The following USP53 variants were observed in gnomAD, a reference collection of about 807,000 sequenced individuals.
USP53 encodes the protein ubiquitin specific peptidase 53, also known as ubiquitin carboxyl-terminal hydrolase 53.
In USP53, 71 loss-of-function variants were observed where a neutral mutation model predicts 94.9. The observed-to-expected ratio is 0.75, with a 90% CI of 0.62 to 0.91. The LOEUF (loss-of-function observed/expected upper bound fraction) is 0.91. USP53 is among the 40% of genes least tolerant of loss of function. USP53 has a pLI of 0.00. For missense variants in USP53, 1,173 were observed against 1,281.0 expected, an observed-to-expected ratio of 0.92 and a Z score of 1.29; for synonymous variants, 375 against 422.7, an observed-to-expected ratio of 0.89 and a Z score of 1.39.
rs1251472626 is a variant in USP53, at chr4:119,292,945, T to G, written c.2956T>G (p.Phe986Val). Residue 986 changes from phenylalanine to valine, a missense_variant, in exon 19 of 19, where the codon TTT becomes GTT. Coordinates refer to ENST00000692078, the MANE Select transcript of USP53 (RefSeq NM_001371395.1). Reference protein sequence around the residue: ...HMNDERHKETFQVRECFGNTP... With the variant: ...HMNDERHKETVQVRECFGNTP... ...GAATGATGAAAGACATAAAGAAACA[T>G]TTCAAGTGAGAGAATGTTTTGGCAA... 1.9e-6 allele frequency: 3 copies of G among 1,614,070 alleles called. No individual in the cohort carries two copies. The highest frequency in any genetic ancestry group is 2.5e-6 in the Non-Finnish European group (3 of 1,179,976).
At chr4:119,242,077 C>T (rs1286668987) in intron 5 of USP53, among the ~76,000 whole-genome samples, 4 of 152,172 alleles carry the variant, frequency 2.6e-5, no homozygotes, top group Non-Finnish European at 4.4e-5. Flanking sequence ...CTTAAAATCT[C>T]TTTCATGTCT....
At chr4:119,222,188 A>G (rs2149269059) in intron 3 of USP53, among the ~76,000 whole-genome samples, 1 of 152,328 alleles carries the variant, frequency 6.6e-6, no homozygotes, top group African/African-American at 2.4e-5. Flanking sequence ...ATGGATATGT[A>G]ATAGTTGCAC....
At chr4:119,221,755 C>A (rs1744562849) in intron 3 of USP53, among the ~76,000 whole-genome samples, 1 of 152,138 alleles carries the variant, frequency 6.6e-6, no homozygotes, top group Admixed American at 6.5e-5. Context: ...TCTGGCAGTG[C>A]CTCTGATTGG....
chr4:119,221,762 T>C (rs979573064), intron 3 of USP53, among the ~76,000 whole-genome samples: 1 of 152,214 alleles, frequency 6.6e-6, no homozygotes, highest in East Asian at 1.9e-4. Flanking sequence ...GTGCCTCTGA[T>C]TGGCCGAAAT....
At chr4:119,287,535 A>C (rs890618243) in intron 17 of USP53, among the ~76,000 whole-genome samples, 1 of 152,158 alleles carries the variant, frequency 6.6e-6, no homozygotes, top group African/African-American at 2.4e-5. Context: ...TCACTGCTTT[A>C]ATAACTTTGT....
At chr4:119,274,103 A>AT (rs570377783) in intron 17 of USP53, among the ~76,000 whole-genome samples, 2 of 91,560 alleles carry the variant, frequency 2.2e-5, no homozygotes, top group South Asian at 3.0e-4. Flanking sequence ...TTATTTATTT[A>AT]TTTTTTTATT....
At chr4:119,258,809 A>C (rs1383207645) in intron 9 of USP53, among the ~76,000 whole-genome samples, 2 of 152,180 alleles carry the variant, frequency 1.3e-5, no homozygotes, top group Non-Finnish European at 2.9e-5. Flanking sequence ...TCCCTCCCAC[A>C]ACACGAAGGA....
chr4:119,264,998 A>G (rs1750936003), intron 12 of USP53, among the ~76,000 whole-genome samples: 1 of 152,224 alleles, frequency 6.6e-6, no homozygotes, highest in Non-Finnish European at 1.5e-5. Flanking sequence ...CACATGCAAT[A>G]ATGTGAAAAA....
chr4:119,218,259 G>T (rs1311236184), intron 3 of USP53: 1 of 152,208 alleles, frequency 6.6e-6, no homozygotes, highest in Non-Finnish European at 1.5e-5. Flanking sequence ...TCAGTCTGGG[G>T]CTTTGTCAAG....
At chr4:119,251,908 T>C (rs1263343376) in intron 7 of USP53, among the ~76,000 whole-genome samples, 2 of 152,238 alleles carry the variant, frequency 1.3e-5, no homozygotes, top group Admixed American at 6.5e-5. Context: ...ATACATTCTA[T>C]TGATACCTAG....
At chr4:119,281,707 A>G (rs1753527230) in intron 17 of USP53, among the ~76,000 whole-genome samples, 1 of 152,212 alleles carries the variant, frequency 6.6e-6, no homozygotes, top group South Asian at 2.1e-4. Flanking sequence ...AAGATCGTAG[A>G]GATTTTGATG....
At chr4:119,260,253 G>A (rs1186251638) in intron 10 of USP53, among the ~76,000 whole-genome samples, 1 of 151,936 alleles carries the variant, frequency 6.6e-6, no homozygotes, top group African/African-American at 2.4e-5. Flanking sequence ...CTGACTTCAA[G>A]AGTTTTATTT....
intron 3 of USP53, chr4:119,219,158 A>G (rs910022938): frequency 4.4e-5 from 4 of 90,162 alleles, no homozygotes; most frequent in Admixed American, 1.4e-4. Context: ...ATCAACTATT[A>G]TATTAGTTTC....
intron 16 of USP53, 78 bp from the exon 17 acceptor site, chr4:119,273,554 A>G (rs914025242): frequency 9.8e-7 from 1 of 1,017,958 alleles, no homozygotes; most frequent in African/African-American, 3.2e-5. Context: ...TAAATGTTTA[A>G]CAAATGTTGT....
Position 119,256,308 on chromosome 4 carries a change from C to T in USP53, c.435C>T (p.Thr145=), listed in dbSNP as rs765490082. The T allele has an allele frequency of 3.1e-6, 5 of 1,613,894 alleles. No individual in the cohort carries two copies. The highest frequency in any genetic ancestry group is 3.3e-4 in the Middle Eastern group (2 of 6,058). Residue 145 remains threonine (T), a synonymous_variant, in exon 8 of 19, where the codon ACC becomes ACT. Coordinates refer to ENST00000692078, the MANE Select transcript of USP53 (RefSeq NM_001371395.1). Reference sequence around the variant, plus strand: ...CAAGCAGAGATGCAGACATGTGTACCTCTAAATCTTGTATCACTCACCAGA... The same window carrying T: ...CAAGCAGAGATGCAGACATGTGTACTTCTAAATCTTGTATCACTCACCAGA... The part of the protein sequence containing the change: ...IVPSRDADMC[T]SKSCITHQKF...
intron 14 of USP53, among the ~76,000 whole-genome samples, chr4:119,269,216 A>G (rs1029460777): frequency 1.3e-5 from 2 of 152,216 alleles, no homozygotes; most frequent in South Asian, 4.1e-4. Flanking sequence ...GCCCAGAAAT[A>G]GTATATATGT....
At chr4:119,266,692 T>C (rs1249270517) in intron 12 of USP53, among the ~76,000 whole-genome samples, 2 of 152,188 alleles carry the variant, frequency 1.3e-5, no homozygotes, top group Admixed American at 1.3e-4. Flanking sequence ...ATACCAGTCC[T>C]TTATTAGCTG....
chr4:119,292,864 C>A lies in USP53; in HGVS notation c.2875C>A (p.Pro959Thr), dbSNP rs766193979. 5 of 1,613,964 alleles carry A rather than the reference C, an allele frequency of 3.1e-6. No homozygotes were observed. The African/African-American group carries it at 5.3e-5, about 17-fold the overall frequency. The change falls in exon 19 of 19, where the codon CCG becomes ACG. Residue 959 changes from proline (P) to threonine (T), a missense_variant. Coordinates refer to ENST00000692078, the MANE Select transcript of USP53 (RefSeq NM_001371395.1). ...GGTGTTTAAAGCTACCTCTCATCTT[C>A]CGAAGCACAGTTTAAGTACAGCTTC... is the stretch of plus-strand genomic sequence containing the variant. ...TEVFKATSHLPKHSLSTASEP... is the reference protein window; with the variant it reads ...TEVFKATSHLTKHSLSTASEP...
intron 3 of USP53, chr4:119,220,587 A>G (rs1022577125): frequency 6.6e-6 from 1 of 152,328 alleles, no homozygotes. Context: ...CAAAGTAAAC[A>G]GTTAGGAGAA....
Sources: allele counts gnomAD v4.1 joint callset (sites outside exome capture counted in the v4.1 genomes callset), GRCh38; gene constraint gnomAD v4.1.1; transcripts MANE v1.5; gene names NCBI Gene and HGNC (gene_info 2026-07-23, HGNC 2026-07-21).